The following ATG16L1 variants were observed in gnomAD, a reference collection of about 807,000 sequenced individuals.
ATG16L1 encodes the protein autophagy-related protein 16-1.
Under a neutral mutation model 88.5 loss-of-function variants are expected in ATG16L1, and 37 were observed. The observed-to-expected ratio is 0.42, with a 90% confidence interval of 0.32 to 0.55. The LOEUF is 0.55. ATG16L1 is among the 20% of genes least tolerant of loss of function. The pLI is 0.13. For missense variants in ATG16L1, 554 were observed against 752.8 expected (o/e 0.74, Z 3.09); for synonymous variants, 301 against 281.0 (o/e 1.07, Z -0.71).
In ATG16L1 at chr2:233,277,685, C is replaced by T. The variant is rs375831240; in HGVS notation, c.1060+12C>T. ...GGAAGTATTTGGAGGTGAGAGCCTG[C>T]TGCATGTTCTCAGACTGAAAACTTG... On this transcript the variant is annotated intron_variant, in intron 10 of 17. Coordinates refer to ENST00000392017, the MANE Select transcript of ATG16L1 (RefSeq NM_030803.7). 39 of 1,609,092 alleles carry T rather than the reference C, an allele frequency of 2.4e-5. No homozygotes were observed. In the African/African-American group the frequency reaches 4.8e-4, roughly 20 times the overall value.
Position 233,269,978 on chromosome 2 carries a change from CTTTTT to C in ATG16L1, c.642-13_642-9del, listed in dbSNP as rs35705047. On this transcript the variant is annotated intron_variant, in intron 5 of 17. Coordinates refer to ENST00000392017, the MANE Select transcript of ATG16L1 (RefSeq NM_030803.7). ...TTCTTAAGCAGACATAAATGGTGGG[CTTTTT>C]TTTTTTTTTTCCCAACAGGAGGCGG... The C allele has an allele frequency of 1.3e-5, 19 of 1,471,604 alleles. No individual in the cohort carries two copies. The highest frequency in any genetic ancestry group is 9.4e-5 in the Admixed American group (4 of 42,518). The allele number at this position is 1,471,604 out of a possible 1,614,324, so 91.2% of individuals were successfully genotyped here. A position where few individuals can be genotyped will look rare whatever the true frequency, so the allele number is the denominator to read the frequency against.
rs2125309295 is a variant in ATG16L1 at position 233,295,376 on chromosome 2, T to C, written c.*1026T>C. 6.5e-6 allele frequency: 1 copy of C among 152,930 alleles called. No individual in the cohort carries two copies. Among genetic ancestry groups the C allele is most frequent in the South Asian group, 2.1e-4 (1 of 4,826 alleles). 9.5% of individuals were successfully genotyped at this position (152,930 alleles called of 1,614,324 possible). On this transcript the variant is annotated 3_prime_UTR_variant, in exon 18 of 18. Coordinates refer to ENST00000392017, the MANE Select transcript of ATG16L1 (RefSeq NM_030803.7). ...GTGTGCGAAACACCCTTTTTATCAC[T>C]TTTAAATTTGCACTTTATTTTTTTT...
In ATG16L1 at chr2:233,269,850, G is replaced by A. The variant is rs954274865; in HGVS notation, c.642-152G>A. ...GGAGCCTTACTGATGTTATGAGTTT[G>A]GGCTTGTGACTTTTGAGTATTTTGC... On this transcript the variant is annotated intron_variant, in intron 5 of 17. Coordinates refer to ENST00000392017, the MANE Select transcript of ATG16L1 (RefSeq NM_030803.7). The A allele has an allele frequency of 2.6e-5, 17 of 644,476 alleles. No homozygotes were observed. In the East Asian group the frequency reaches 5.0e-4, roughly 19 times the overall value. 39.9% of individuals were successfully genotyped at this position (644,476 alleles called of 1,614,324 possible).
chr2:233,273,817 A>G (rs776751904), intron 8 of ATG16L1, 40 bp downstream of exon 8: 1 of 1,590,166 alleles, frequency 6.3e-7, no homozygotes, highest in South Asian at 1.1e-5. Context: ...GTGTATAAGT[A>G]TACCTAAGTA....
At chr2:233,278,870 A>G (rs1698547009) in intron 10 of ATG16L1, among the ~76,000 whole-genome samples, 2 of 152,232 alleles carry the variant, frequency 1.3e-5, no homozygotes, top group Admixed American at 6.5e-5. Context: ...TAGCTTATGA[A>G]TGATAATGGC....
chr2:233,256,303 C>G (rs1696772094), intron 2 of ATG16L1, 108 bp downstream of exon 2: 1 of 958,992 alleles, frequency 1.0e-6, no homozygotes, highest in Non-Finnish European at 1.6e-6. Context: ...TTTCTGTGTT[C>G]CAGTTTTTGT....
intron 1 of ATG16L1, among the ~76,000 whole-genome samples, chr2:233,254,871 C>G (rs1290912259): frequency 6.6e-6 from 1 of 152,106 alleles, no homozygotes; most frequent in East Asian, 1.9e-4. Context: ...AGCATAAACC[C>G]TGTCTTGTTC....
At chr2:233,292,688 T>G (rs1019397350) in intron 16 of ATG16L1, among the ~76,000 whole-genome samples, 1 of 152,206 alleles carries the variant, frequency 6.6e-6, no homozygotes, top group Non-Finnish European at 1.5e-5. Context: ...GGTGAGCCCA[T>G]TAGGTTCACT....
At chr2:233,281,018 G>A in intron 10 of ATG16L1, 87 bp from the exon 11 acceptor site, 1 of 776,182 alleles carries the variant, frequency 1.3e-6, no homozygotes, top group Non-Finnish European at 2.1e-6. Flanking sequence ...AGTGTAATTG[G>A]CTTCCATTGT....
chr2:233,292,273 T>C lies in ATG16L1; in HGVS notation c.1576T>C (p.Phe526Leu). 1 of 1,614,232 alleles carries C rather than the reference T, an allele frequency of 6.2e-7. No homozygotes were observed. The highest frequency in any genetic ancestry group is 8.5e-7 in the Non-Finnish European group (1 of 1,180,036). ...CCGAACAAATGCTATCAAGCAGACA[T>C]TCAGGTAACTGAAGATGTGCTGGTT... ...DLRTNAIKQT[F>L]SAPGFKCGSD... Residue 526 changes from phenylalanine (F) to leucine (L), a missense_variant, in exon 15 of 18, where the codon TTC becomes CTC. Transcript: ENST00000392017.
intron 14 of ATG16L1, 59 bp from the exon 15 acceptor site, chr2:233,292,060 TCCTCCACGG>T: frequency 1.4e-5 from 22 of 1,561,742 alleles, no homozygotes; most frequent in Middle Eastern, 3.5e-4. Flanking sequence ...GCCTTTTTTT[TCCTCCACGG>T]CATGATGTGA....
intron 2 of ATG16L1, among the ~76,000 whole-genome samples, chr2:233,261,723 T>TA (rs1559381065): frequency 6.6e-6 from 1 of 151,966 alleles, no homozygotes; most frequent in African/African-American, 2.4e-5. Flanking sequence ...AAGCTTTCCC[T>TA]AGACAGTGGT....
intron 12 of ATG16L1, among the ~76,000 whole-genome samples, chr2:233,287,226 C>A (rs905665598): frequency 2.0e-5 from 3 of 152,100 alleles, no homozygotes; most frequent in African/African-American, 7.2e-5. Flanking sequence ...CAGTGGAACC[C>A]CAAAGCCCAT....
chr2:233,252,072 C>T (rs1268133157), intron 1 of ATG16L1, 130 bp downstream of exon 1: 1 of 647,032 alleles, frequency 1.5e-6, no homozygotes, highest in Non-Finnish European at 2.4e-6. Context: ...GGGTAACCCG[C>T]GCTTGGGACG....
chr2:233,267,815 C>T (rs946508530), intron 5 of ATG16L1, among the ~76,000 whole-genome samples: 2 of 145,890 alleles, frequency 1.4e-5, no homozygotes, highest in African/African-American at 2.8e-5. Flanking sequence ...GTGCAGTGGA[C>T]GGGGGGTAAT....
chr2:233,273,506 G>A (rs962998380), intron 7 of ATG16L1: 46 of 553,128 alleles, frequency 8.3e-5, no homozygotes, highest in Non-Finnish European at 1.4e-4. Context: ...TAATACTAGG[G>A]AACCTTGTTT....
chr2:233,291,782 C>CT (rs1699479923), intron 14 of ATG16L1, among the ~76,000 whole-genome samples: 1 of 152,216 alleles, frequency 6.6e-6, no homozygotes, highest in Non-Finnish European at 1.5e-5. Context: ...TCTTTGCCAA[C>CT]TTTATCCAAA....
At chr2:233,263,073 AT>A in intron 2 of ATG16L1, 56 bp from the exon 3 acceptor site, 2 of 1,481,534 alleles carry the variant, frequency 1.3e-6, no homozygotes, top group Non-Finnish European at 1.9e-6. Context: ...TTGGAGTCTC[AT>A]TTTTCCCCCT....
At chr2:233,286,514 G>C (rs1031465292) in intron 12 of ATG16L1, among the ~76,000 whole-genome samples, 5 of 151,910 alleles carry the variant, frequency 3.3e-5, no homozygotes, top group African/African-American at 1.2e-4. Context: ...GTGAATGAAT[G>C]CCTGTAGGAG....
Sources: gnomAD v4.1 joint callset for allele counts (sites outside exome capture counted in the v4.1 genomes callset) on GRCh38, gnomAD v4.1.1 for gene constraint, MANE v1.5 for transcripts, NCBI Gene and HGNC (gene_info 2026-07-23, HGNC 2026-07-21) for gene names.